The following CPE variants were observed in gnomAD, a reference collection of about 807,000 sequenced individuals.
CPE encodes the protein carbocypeptidase E.
A neutral mutation model predicts 53.5 loss-of-function variants in CPE; 17 were observed. The observed-to-expected ratio is 0.32, with a 90% CI of 0.22 to 0.48. The LOEUF (loss-of-function observed/expected upper bound fraction) is 0.48. Among genes scored for constraint, CPE ranks in the 20% least tolerant of loss-of-function variants. The probability of loss-of-function intolerance (pLI) is 0.99; values close to 1 mark genes in which losing one functional copy is unlikely to be tolerated. For synonymous variants in CPE, 226 were observed against 228.8 expected, an observed-to-expected ratio of 0.99 and a Z score of 0.11; for missense variants, 524 against 614.7, an observed-to-expected ratio of 0.85 and a Z score of 1.56.
chr4:165,384,094 G>C (rs578240840), intron 1 of CPE, among the ~76,000 whole-genome samples: 1 of 152,126 alleles, frequency 6.6e-6, no homozygotes, highest in Admixed American at 6.5e-5. Context: ...GTCTTACCAC[G>C]GGGCGAAATC....
At chr4:165,427,063 C>T (rs756755170) in intron 1 of CPE, among the ~76,000 whole-genome samples, 1 of 152,234 alleles carries the variant, frequency 6.6e-6, no homozygotes, top group Non-Finnish European at 1.5e-5. Flanking sequence ...GCTTGAGTTA[C>T]TCCATATTGC....
chr4:165,470,680 C>T (rs1732189448), intron 3 of CPE, among the ~76,000 whole-genome samples: 2 of 152,214 alleles, frequency 1.3e-5, no homozygotes, highest in South Asian at 4.1e-4. Context: ...GTTGGAGGGC[C>T]CTCTCTTGTC....
chr4:165,461,823 A>G (rs1348146977), intron 1 of CPE, among the ~76,000 whole-genome samples: 1 of 152,228 alleles, frequency 6.6e-6, no homozygotes, highest in East Asian at 1.9e-4. Flanking sequence ...AAGTCATGTT[A>G]GTTGGCTTAA....
intron 1 of CPE, among the ~76,000 whole-genome samples, chr4:165,451,817 C>T (rs914186657): frequency 1.6e-4 from 25 of 152,102 alleles, no homozygotes; most frequent in African/African-American, 5.8e-4. Flanking sequence ...AGACAATTTA[C>T]AGAAAAGAAA....
chr4:165,479,401 T>C (rs529500341), intron 3 of CPE, among the ~76,000 whole-genome samples: 1 of 152,156 alleles, frequency 6.6e-6, no homozygotes, highest in Non-Finnish European at 1.5e-5. Context: ...GACACTACAA[T>C]TTAAGTTTAA....
chr4:165,476,895 G>A (rs1365202541), intron 3 of CPE, among the ~76,000 whole-genome samples: 4 of 151,742 alleles, frequency 2.6e-5, no homozygotes, highest in Admixed American at 6.5e-5. Flanking sequence ...CCAGAAAGGC[G>A]GCAGGCTGGG....
chr4:165,428,004 ATC>A (rs34626941), intron 1 of CPE, among the ~76,000 whole-genome samples: 44,557 of 150,356 alleles, frequency 0.3, 6,602 homozygotes, highest in Middle Eastern at 0.39. Context: ...CTGTATTTTC[ATC>A]TCTCTCTCTC....
chr4:165,479,704 C>T (rs1211251006), intron 3 of CPE, among the ~76,000 whole-genome samples: 2 of 151,904 alleles, frequency 1.3e-5, no homozygotes, highest in African/African-American at 4.8e-5. Flanking sequence ...TACTAAACAA[C>T]TCTTGCAAGT....
intron 3 of CPE, among the ~76,000 whole-genome samples, chr4:165,471,684 C>G (rs1732209127): frequency 6.6e-6 from 1 of 152,200 alleles, no homozygotes; most frequent in African/African-American, 2.4e-5. Flanking sequence ...GTAAATTCCT[C>G]TCCTCTTGAG....
intron 1 of CPE, among the ~76,000 whole-genome samples, chr4:165,452,206 A>G (rs1393503020): frequency 6.6e-6 from 1 of 152,174 alleles, no homozygotes; most frequent in Non-Finnish European, 1.5e-5. Flanking sequence ...AGCTAGAAGA[A>G]ATAAGTTCTA....
chr4:165,472,799 T>C (rs1732232210), intron 3 of CPE, among the ~76,000 whole-genome samples: 1 of 152,218 alleles, frequency 6.6e-6, no homozygotes, highest in African/African-American at 2.4e-5. Context: ...TATATAATCT[T>C]TTACTAAAAC....
At chr4:165,382,628 TACA>T (rs1730520931) in intron 1 of CPE, among the ~76,000 whole-genome samples, 1 of 152,180 alleles carries the variant, frequency 6.6e-6, no homozygotes, top group South Asian at 2.1e-4. Flanking sequence ...TCCAAGAAAA[TACA>T]ACAACATACC....
chr4:165,471,836 A>C (rs769636239), intron 3 of CPE, among the ~76,000 whole-genome samples: 6 of 152,204 alleles, frequency 3.9e-5, no homozygotes, highest in Non-Finnish European at 5.9e-5. Context: ...CTATAAGTCA[A>C]ATTTGATTCC....
intron 3 of CPE, among the ~76,000 whole-genome samples, chr4:165,476,468 A>T (rs542610312): frequency 1.0e-3 from 153 of 149,384 alleles, no homozygotes; most frequent in African/African-American, 3.6e-3. Context: ...GAGGAAGGTC[A>T]TATACCAGTT....
At chr4:165,489,313 C>T (rs1353100605) in intron 6 of CPE, among the ~76,000 whole-genome samples, 1 of 152,070 alleles carries the variant, frequency 6.6e-6, no homozygotes, top group Non-Finnish European at 1.5e-5. Context: ...TGTCTTAATA[C>T]TCCTTAATAC....
intron 1 of CPE, among the ~76,000 whole-genome samples, chr4:165,407,241 C>T (rs966417178): frequency 1.3e-5 from 2 of 152,168 alleles, no homozygotes; most frequent in East Asian, 1.9e-4. Context: ...TCTATATCCT[C>T]GCCAACTTGT....
intron 3 of CPE, among the ~76,000 whole-genome samples, chr4:165,479,766 C>G (rs575385504): frequency 1.3e-5 from 2 of 151,822 alleles, no homozygotes; most frequent in Non-Finnish European, 2.9e-5. Context: ...CCGAGGCGGG[C>G]GGATCACGAG....
intron 1 of CPE, among the ~76,000 whole-genome samples, chr4:165,387,146 G>A (rs1013385457): frequency 6.6e-6 from 1 of 152,184 alleles, no homozygotes; most frequent in Admixed American, 6.5e-5. Context: ...TGGCCTAAGA[G>A]AAGAGCCTGT....
intron 1 of CPE, chr4:165,406,455 T>G (rs924861911): frequency 1.5e-5 from 4 of 270,750 alleles, no homozygotes; most frequent in Admixed American, 9.2e-5. Context: ...ACAAATGAAC[T>G]GACTTCACAG....
Sources: gnomAD v4.1 joint callset for allele counts (sites outside exome capture counted in the v4.1 genomes callset) on GRCh38, gnomAD v4.1.1 for gene constraint, MANE v1.5 for transcripts, NCBI Gene and HGNC (gene_info 2026-07-23, HGNC 2026-07-21) for gene names.